Variants in GLCCI1 observed in about 807,000 individuals in gnomAD.
The protein encoded by GLCCI1 is glucocorticoid-induced transcript 1 protein.
In GLCCI1, 24 loss-of-function variants were observed where a neutral mutation model predicts 52.2. The ratio of observed to expected loss-of-function variants is 0.46; its 90% CI spans 0.33 to 0.65. GLCCI1 has a LOEUF of 0.65. GLCCI1 is among the 30% of genes least tolerant of loss of function. The probability of loss-of-function intolerance (pLI) is 0.02; values close to 1 mark genes in which losing one functional copy is unlikely to be tolerated. For missense variants in GLCCI1, 704 were observed against 701.5 expected (o/e 1.00, Z -0.04); for synonymous variants, 310 against 276.5 (o/e 1.12, Z -1.20).
chr7:7,999,647 G>C (rs948657027), intron 1 of GLCCI1, among the ~76,000 whole-genome samples: 5 of 151,738 alleles, frequency 3.3e-5, no homozygotes, highest in Non-Finnish European at 7.4e-5. Context: ...GCTTATACCT[G>C]TATTCCTAGT....
intron 1 of GLCCI1, among the ~76,000 whole-genome samples, chr7:7,998,341 G>T (rs187291234): frequency 6.6e-6 from 1 of 151,966 alleles, no homozygotes; most frequent in Non-Finnish European, 1.5e-5. Context: ...TCAGCCTCCT[G>T]AGTAGCTGGG....
At chr7:7,976,371 C>T (rs987512361) in intron 1 of GLCCI1, among the ~76,000 whole-genome samples, 4 of 147,762 alleles carry the variant, frequency 2.7e-5, no homozygotes, top group Admixed American at 6.9e-5. Context: ...CCCAGTTACT[C>T]GGGAGGCTGA....
At chr7:8,036,426 AT>A (rs571377211) in intron 3 of GLCCI1, among the ~76,000 whole-genome samples, 15 of 152,176 alleles carry the variant, frequency 9.9e-5, no homozygotes, top group Non-Finnish European at 2.1e-4. Flanking sequence ...ACAAAAGTAA[AT>A]TCAAAAATAA....
intron 5 of GLCCI1, among the ~76,000 whole-genome samples, chr7:8,062,810 T>C (rs1046283976): frequency 6.6e-6 from 1 of 152,354 alleles, no homozygotes; most frequent in African/African-American, 2.4e-5. Flanking sequence ...TTACTCTTTT[T>C]ATGGCTGCAT....
rs1188743950 is a variant in GLCCI1, at chr7:8,087,537, T to A, written c.*999T>A. On this transcript the variant is annotated 3_prime_UTR_variant, in exon 8 of 8. Coordinates refer to ENST00000223145, the MANE Select transcript of GLCCI1 (RefSeq NM_138426.4). ...GACGGAATGGTTGAGATTTTTTTGT[T>A]TATGTTAGCCATCAGGGTCATAACT... The A allele has an allele frequency of 1.3e-5, 2 of 152,628 alleles. No individual in the cohort carries two copies. The highest frequency in any genetic ancestry group is 2.9e-5 in the Non-Finnish European group (2 of 68,036). The allele number at this position is 152,628 out of a possible 1,614,324, so 9.5% of individuals were successfully genotyped here.
chr7:8,058,407 C>T (rs1363220018), intron 4 of GLCCI1, among the ~76,000 whole-genome samples: 1 of 151,914 alleles, frequency 6.6e-6, no homozygotes, highest in Admixed American at 6.6e-5. Flanking sequence ...AAACTGTCTT[C>T]AAAGGCCAAT....
At chr7:8,001,181 T>C (rs982441024) in intron 1 of GLCCI1, among the ~76,000 whole-genome samples, 1 of 152,200 alleles carries the variant, frequency 6.6e-6, no homozygotes, top group East Asian at 1.9e-4. Context: ...TGGTACCAGT[T>C]GTTCCTTTCC....
At chr7:8,035,174 T>G (rs965419862) in intron 3 of GLCCI1, among the ~76,000 whole-genome samples, 1 of 151,842 alleles carries the variant, frequency 6.6e-6, no homozygotes, top group African/African-American at 2.4e-5. Flanking sequence ...CCTCAGGGAG[T>G]GCTGCTCCTA....
intron 4 of GLCCI1, among the ~76,000 whole-genome samples, chr7:8,058,400 C>G (rs1196040137): frequency 6.6e-6 from 1 of 152,074 alleles, no homozygotes; most frequent in Non-Finnish European, 1.5e-5. Flanking sequence ...ACTTGAAAAA[C>G]TGTCTTCAAA....
At chr7:8,083,597 A>G (rs1341146375) in intron 6 of GLCCI1, among the ~76,000 whole-genome samples, 1 of 152,218 alleles carries the variant, frequency 6.6e-6, no homozygotes, top group Non-Finnish European at 1.5e-5. Context: ...ACCAAATTTC[A>G]TTCTAAGACT....
intron 2 of GLCCI1, among the ~76,000 whole-genome samples, chr7:8,006,758 G>A (rs1255096712): frequency 1.3e-5 from 2 of 152,160 alleles, no homozygotes; most frequent in Non-Finnish European, 2.9e-5. Flanking sequence ...GTTACATGCC[G>A]GTATATGTCC....
intron 1 of GLCCI1, chr7:7,981,868 A>G: frequency 2.2e-6 from 1 of 454,070 alleles, no homozygotes; most frequent in Admixed American, 2.6e-5. Flanking sequence ...GAGCAGGCAG[A>G]AGACTCCAAG....
chr7:8,040,548 A>T (rs1781975444), intron 3 of GLCCI1, among the ~76,000 whole-genome samples: 1 of 151,966 alleles, frequency 6.6e-6, no homozygotes, highest in Admixed American at 6.6e-5. Context: ...ACACACACAC[A>T]CACACACACA....
intron 1 of GLCCI1, among the ~76,000 whole-genome samples, chr7:7,982,414 A>C (rs898493884): frequency 6.6e-6 from 1 of 152,196 alleles, no homozygotes; most frequent in Non-Finnish European, 1.5e-5. Flanking sequence ...TTTTCTTTGT[A>C]TACTTTTTTA....
intron 1 of GLCCI1, among the ~76,000 whole-genome samples, chr7:7,986,648 C>A (rs907562003): frequency 1.3e-5 from 2 of 152,134 alleles, no homozygotes; most frequent in Non-Finnish European, 2.9e-5. Flanking sequence ...TTTAAAGATT[C>A]ATATGTAATA....
intron 3 of GLCCI1, among the ~76,000 whole-genome samples, chr7:8,041,149 G>A (rs1781989942): frequency 6.6e-6 from 1 of 152,098 alleles, no homozygotes; most frequent in South Asian, 2.1e-4. Flanking sequence ...TGATAACAAA[G>A]CAAAACAGCA....
rs1485811564 is a variant in GLCCI1, at chr7:8,088,573, T to A, written c.*2035T>A. The A allele has an allele frequency of 6.6e-6, 1 of 152,604 alleles. No individual in the cohort carries two copies. Among genetic ancestry groups the A allele is most frequent in the African/African-American group, 2.4e-5 (1 of 41,440 alleles). The allele number at this position is 152,604 out of a possible 1,614,324, so 9.5% of individuals were successfully genotyped here. On this transcript the variant is annotated 3_prime_UTR_variant, in exon 8 of 8. Coordinates refer to ENST00000223145, the MANE Select transcript of GLCCI1 (RefSeq NM_138426.4). ...CTAGTTCCGTAAGATAAATATGAGC[T>A]CCATTTGACTTCTGATGTCTGGTTT...
At position 7,968,989 on chromosome 7, in the gene GLCCI1, G is replaced by A. The variant is rs1365716580; in HGVS notation, c.-362G>A. Reference sequence around the variant, plus strand: ...GCAGCCCTGCGAGGGCTGAGGAGAAGGCTGCGAGCGGCCCTCGGGGCTGCG... The same window carrying A: ...GCAGCCCTGCGAGGGCTGAGGAGAAAGCTGCGAGCGGCCCTCGGGGCTGCG... On this transcript the variant is annotated 5_prime_UTR_variant, in exon 1 of 8. Transcript: ENST00000223145. 1 of 156,460 alleles carries A rather than the reference G, an allele frequency of 6.4e-6. No homozygotes were observed. Among genetic ancestry groups the A allele is most frequent in the Non-Finnish European group, 1.4e-5 (1 of 70,278 alleles). The allele number at this position is 156,460 out of a possible 1,614,324, so 9.7% of individuals were successfully genotyped here. A position where few individuals can be genotyped will look rare whatever the true frequency, so the allele number is the denominator to read the frequency against.
intron 2 of GLCCI1, among the ~76,000 whole-genome samples, chr7:8,005,933 G>A (rs1781140311): frequency 6.6e-6 from 1 of 152,058 alleles, no homozygotes; most frequent in South Asian, 2.1e-4. Flanking sequence ...TGAGTAGCTG[G>A]GATTACAGGT....
Sources: gnomAD v4.1 joint callset for allele counts (sites outside exome capture counted in the v4.1 genomes callset) on GRCh38, gnomAD v4.1.1 for gene constraint, MANE v1.5 for transcripts, NCBI Gene and HGNC (gene_info 2026-07-23, HGNC 2026-07-21) for gene names.